GNA12: variants seen among roughly 807,000 people sequenced by gnomAD.
The protein encoded by GNA12 is G protein subunit alpha 12, also known as guanine nucleotide-binding protein subunit alpha-12.
GNA12 carries 9 observed loss-of-function variants against 26.0 expected under a neutral mutation model. The ratio of observed to expected loss-of-function variants is 0.35; its 90% CI spans 0.21 to 0.60. GNA12 has a LOEUF of 0.60. Ranked by LOEUF, GNA12 falls within the 20% of genes least tolerant of loss-of-function variation. The pLI is 0.78. For missense variants in GNA12, 405 were observed against 525.8 expected, an observed-to-expected ratio of 0.77 and a Z score of 2.25; for synonymous variants, 264 against 219.6, an observed-to-expected ratio of 1.20 and a Z score of -1.79.
chr7:2,796,082 T>C (rs1447103096), intron 1 of GNA12, among the ~76,000 whole-genome samples: 1 of 151,910 alleles, frequency 6.6e-6, no homozygotes, highest in Non-Finnish European at 1.5e-5. Context: ...TCCAGCCTGG[T>C]CTCGAACTCC....
intron 2 of GNA12, among the ~76,000 whole-genome samples, chr7:2,770,128 T>C (rs1422838475): frequency 6.6e-6 from 1 of 152,192 alleles, no homozygotes; most frequent in African/African-American, 2.4e-5. Context: ...TTCAACTGCA[T>C]AGATAGCAAC....
At chr7:2,744,089 G>T (rs1442104057) in intron 2 of GNA12, among the ~76,000 whole-genome samples, 1 of 152,222 alleles carries the variant, frequency 6.6e-6, no homozygotes, top group African/African-American at 2.4e-5. Context: ...TTCCCCCTCT[G>T]GGGGCAGGGC....
At chr7:2,778,979 T>G (rs902447825) in intron 2 of GNA12, among the ~76,000 whole-genome samples, 3 of 152,194 alleles carry the variant, frequency 2.0e-5, no homozygotes, top group African/African-American at 7.2e-5. Flanking sequence ...CTGTAAGCCT[T>G]CTTTCAGGAA....
chr7:2,805,060 C>A (rs1484710590), intron 1 of GNA12, among the ~76,000 whole-genome samples: 1 of 152,216 alleles, frequency 6.6e-6, no homozygotes, highest in Admixed American at 6.5e-5. Context: ...CCTGGTCAAG[C>A]TGGGGCCTCA....
At chr7:2,777,618 C>T (rs909237505) in intron 2 of GNA12, among the ~76,000 whole-genome samples, 1 of 152,140 alleles carries the variant, frequency 6.6e-6, no homozygotes, top group Non-Finnish European at 1.5e-5. Flanking sequence ...TCTCTCTCCA[C>T]CATGTGAGGA....
intron 1 of GNA12, among the ~76,000 whole-genome samples, chr7:2,813,126 G>A (rs981675188): frequency 2.6e-5 from 4 of 152,080 alleles, no homozygotes; most frequent in African/African-American, 9.7e-5. Flanking sequence ...TTGCTATGCT[G>A]CCCAGGCTGG....
chr7:2,818,919 C>G (rs1793284762), intron 1 of GNA12, among the ~76,000 whole-genome samples: 1 of 152,202 alleles, frequency 6.6e-6, no homozygotes, highest in Non-Finnish European at 1.5e-5. Flanking sequence ...AGGCAGGCCA[C>G]AAGCCCGTGG....
intron 2 of GNA12, among the ~76,000 whole-genome samples, chr7:2,758,843 G>T (rs1007348656): frequency 6.6e-6 from 1 of 152,188 alleles, no homozygotes; most frequent in African/African-American, 2.4e-5. Flanking sequence ...ATCACCGCAT[G>T]TATCAACATG....
At position 2,843,843 on chromosome 7, in the gene GNA12, C is replaced by A. The variant is rs1173441399; in HGVS notation, c.309+10G>T. ...CTGGGTGCAGGTGCTGGGCGGGGGG[C>A]GCGCGTCACCTTGAGGATGTTGTCG... is the stretch of plus-strand genomic sequence containing the variant. On this transcript the variant is annotated intron_variant, in intron 1 of 3. Coordinates refer to ENST00000275364, the MANE Select transcript of GNA12 (RefSeq NM_007353.3). The A allele has an allele frequency of 1.4e-6, 2 of 1,445,760 alleles. No homozygotes were observed. The highest frequency in any genetic ancestry group is 1.5e-5 in the African/African-American group (1 of 68,222). 89.6% of individuals were successfully genotyped at this position (1,445,760 alleles called of 1,614,324 possible).
At chr7:2,829,716 G>A (rs551993851) in intron 1 of GNA12, among the ~76,000 whole-genome samples, 1 of 151,908 alleles carries the variant, frequency 6.6e-6, no homozygotes, top group Non-Finnish European at 1.5e-5. Context: ...TTTTCCTCTC[G>A]CCCTCTTTTC....
intron 2 of GNA12, among the ~76,000 whole-genome samples, chr7:2,793,603 T>C (rs541306019): frequency 2.0e-5 from 3 of 151,248 alleles, no homozygotes; most frequent in Admixed American, 2.0e-4. Context: ...ATGAATAGGG[T>C]GGGGCATGGT....
At chr7:2,760,687 C>T (rs1248247520) in intron 2 of GNA12, among the ~76,000 whole-genome samples, 1 of 152,246 alleles carries the variant, frequency 6.6e-6, no homozygotes, top group Non-Finnish European at 1.5e-5. Context: ...CCCTCCAAAT[C>T]CATCTCCATT....
In GNA12 at chr7:2,729,110, C is replaced by T. The variant is rs778892118; in HGVS notation, c.*2071G>A. 2.6e-5 allele frequency: 4 copies of T among 152,412 alleles called. No homozygotes were observed. The highest frequency in any genetic ancestry group is 1.3e-4 in the Admixed American group (2 of 15,288). The allele number at this position is 152,412 out of a possible 1,614,324, so 9.4% of individuals were successfully genotyped here. A position where few individuals can be genotyped will look rare whatever the true frequency, so the allele number is the denominator to read the frequency against. On this transcript the variant is annotated 3_prime_UTR_variant, in exon 4 of 4. Coordinates refer to ENST00000275364, the MANE Select transcript of GNA12 (RefSeq NM_007353.3). Reference sequence around the variant, plus strand: ...TGTTTCAAACAACTCCCCTGCTACGCGAATCACAGCGCTGCTGTCGCCAAC... The same window carrying T: ...TGTTTCAAACAACTCCCCTGCTACGTGAATCACAGCGCTGCTGTCGCCAAC...
chr7:2,775,793 G>A (rs1035386797), intron 2 of GNA12, among the ~76,000 whole-genome samples: 1 of 152,236 alleles, frequency 6.6e-6, no homozygotes, highest in Non-Finnish European at 1.5e-5. Flanking sequence ...GCCAGGCTCA[G>A]AATCACCTAA....
chr7:2,815,090 C>A, intron 1 of GNA12: 1 of 1,251,954 alleles, frequency 8.0e-7, no homozygotes, highest in Non-Finnish European at 1.1e-6. Flanking sequence ...AACAGAGAAC[C>A]AGACAGACAA....
chr7:2,825,649 C>G (rs998134983), intron 1 of GNA12, among the ~76,000 whole-genome samples: 74 of 152,120 alleles, frequency 4.9e-4, no homozygotes, highest in Admixed American at 4.8e-3. Context: ...GGCTGAGGGC[C>G]GCTATAGTTT....
At chr7:2,823,665 A>G (rs928639917) in intron 1 of GNA12, among the ~76,000 whole-genome samples, 1 of 151,698 alleles carries the variant, frequency 6.6e-6, no homozygotes, top group African/African-American at 2.4e-5. Flanking sequence ...ACTCAATGTC[A>G]AAGGATCTTT....
At chr7:2,826,924 C>T (rs575569481) in intron 1 of GNA12, among the ~76,000 whole-genome samples, 47 of 152,316 alleles carry the variant, frequency 3.1e-4, no homozygotes, top group Non-Finnish European at 6.2e-4. Flanking sequence ...CTAATGCAAA[C>T]TATGGACTTC....
At chr7:2,776,461 C>T (rs1019858615) in intron 2 of GNA12, among the ~76,000 whole-genome samples, 7 of 152,186 alleles carry the variant, frequency 4.6e-5, no homozygotes, top group South Asian at 2.1e-4. Context: ...GACAGAGCAG[C>T]GGAACGGGGA....
Sources: allele counts gnomAD v4.1 joint callset (sites outside exome capture counted in the v4.1 genomes callset), GRCh38; gene constraint gnomAD v4.1.1; transcripts MANE v1.5; gene names NCBI Gene and HGNC (gene_info 2026-07-23, HGNC 2026-07-21).